Variants in USP49 observed in about 807,000 individuals in gnomAD.
The protein encoded by USP49 is ubiquitin specific peptidase 49, also known as ubiquitin carboxyl-terminal hydrolase 49.
USP49 carries 24 observed loss-of-function variants against 58.6 expected under a neutral mutation model. The observed-to-expected ratio is 0.41, with a 90% CI of 0.30 to 0.58. The LOEUF (loss-of-function observed/expected upper bound fraction) is 0.58. Ranked by LOEUF, USP49 falls within the 20% of genes least tolerant of loss-of-function variation. The pLI is 0.30. For synonymous variants in USP49, 408 were observed against 365.1 expected, an observed-to-expected ratio of 1.12 and a Z score of -1.34; for missense variants, 703 against 866.1, an observed-to-expected ratio of 0.81 and a Z score of 2.36.
At chr6:41,866,078 C>G (rs1433746815) in intron 3 of USP49, among the ~76,000 whole-genome samples, 1 of 151,666 alleles carries the variant, frequency 6.6e-6, no homozygotes, top group East Asian at 1.9e-4. Flanking sequence ...CCCACCACCA[C>G]GTCCCACCAA....
intron 3 of USP49, among the ~76,000 whole-genome samples, chr6:41,813,143 A>T (rs1311169504): frequency 1.3e-5 from 2 of 152,196 alleles, no homozygotes; most frequent in Non-Finnish European, 2.9e-5. Flanking sequence ...TATTATATTA[A>T]GACAGCATAG....
intron 2 of USP49, among the ~76,000 whole-genome samples, chr6:41,883,978 C>T (rs868052905): frequency 6.6e-6 from 1 of 152,106 alleles, no homozygotes; most frequent in African/African-American, 2.4e-5. Context: ...GAATACTATG[C>T]TGCAGCTCGA....
rs1772765574 is a variant in USP49 at position 41,789,947 on chromosome 6, A to C, written c.*6586T>G. On this transcript the variant is annotated 3_prime_UTR_variant, in exon 8 of 8. Transcript: ENST00000682992. ...TTTTGCTTACAAAAACAAGGTGTAAAAAGATTTACAAAAATCATAAAAACA... is the reference window on the plus strand; with the variant it reads ...TTTTGCTTACAAAAACAAGGTGTAACAAGATTTACAAAAATCATAAAAACA... 6.6e-6 allele frequency: 1 copy of C among 152,178 alleles called. No individual in the cohort carries two copies. The highest frequency in any genetic ancestry group is 6.5e-5 in the Admixed American group (1 of 15,286). 9.4% of individuals were successfully genotyped at this position (152,178 alleles called of 1,614,324 possible).
intron 2 of USP49, among the ~76,000 whole-genome samples, chr6:41,872,450 C>A (rs997499331): frequency 6.6e-6 from 1 of 152,212 alleles, no homozygotes; most frequent in Non-Finnish European, 1.5e-5. Context: ...AGTGCCTCTG[C>A]GCGACTGCTG....
Position 41,818,566 on chromosome 6 carries a change from A to G in USP49, c.-28-11555T>C, listed in dbSNP as rs1171600932. Among the ~76,000 whole-genome samples, 3 of 152,160 alleles carry G rather than the reference A, an allele frequency of 2.0e-5. No homozygotes were observed. The East Asian group carries it at 5.8e-4, about 29-fold the overall frequency. On this transcript the variant is annotated intron_variant, in intron 3 of 7. Transcript: ENST00000682992. ...CTGATGTTAAACAAGCATGACATGC[A>G]TTTTGAGCCACCCCAGGATCCTGTC... is the stretch of plus-strand genomic sequence containing the variant.
intron 7 of USP49, chr6:41,797,736 CAAG>C (rs1343760010): frequency 4.1e-6 from 4 of 985,704 alleles, no homozygotes; most frequent in Non-Finnish European, 4.8e-6. Flanking sequence ...TCTGCATAAC[CAAG>C]AAGGAAACTG....
chr6:41,807,093 A>T (rs1773153570), intron 3 of USP49, 82 bp from the exon 4 acceptor site: 4 of 1,224,928 alleles, frequency 3.3e-6, no homozygotes, highest in Non-Finnish European at 4.2e-6. Flanking sequence ...AAAAAAAAAA[A>T]GTAAAAGGCT....
chr6:41,832,977 T>C (rs1773660575), intron 3 of USP49: 2 of 152,178 alleles, frequency 1.3e-5, no homozygotes, highest in Admixed American at 1.3e-4. Context: ...AAACTTGGTA[T>C]TTCTATTGAC....
intron 3 of USP49, among the ~76,000 whole-genome samples, chr6:41,843,439 CCTCAATAAATGA>C (rs1773864194): frequency 6.6e-6 from 1 of 152,114 alleles, no homozygotes; most frequent in African/African-American, 2.4e-5. Context: ...GTCGAAACTT[CCTCAATAAATGA>C]AGAGATGTCT....
chr6:41,823,880 G>A (rs573579135), intron 3 of USP49, among the ~76,000 whole-genome samples: 6 of 151,740 alleles, frequency 4.0e-5, no homozygotes, highest in East Asian at 1.9e-4. Flanking sequence ...GTGTGTGTGC[G>A]GGGTGGACAG....
intron 2 of USP49, among the ~76,000 whole-genome samples, chr6:41,885,100 C>G (rs1774686178): frequency 6.6e-6 from 1 of 152,192 alleles, no homozygotes; most frequent in African/African-American, 2.4e-5. Flanking sequence ...GTAACGCCCT[C>G]CCTCTGCACC....
At chr6:41,889,312 T>A (rs1164385678) in intron 2 of USP49, among the ~76,000 whole-genome samples, 3 of 152,130 alleles carry the variant, frequency 2.0e-5, no homozygotes, top group Non-Finnish European at 4.4e-5. Flanking sequence ...GGATTACAGG[T>A]ATGAGCCACC....
intron 3 of USP49, among the ~76,000 whole-genome samples, chr6:41,818,569 T>C (rs1048720528): frequency 2.0e-5 from 3 of 152,190 alleles, no homozygotes; most frequent in Non-Finnish European, 4.4e-5. Context: ...GACATGCATT[T>C]TGAGCCACCC....
At chr6:41,892,249 A>C (rs1442052164) in intron 1 of USP49, among the ~76,000 whole-genome samples, 1 of 152,158 alleles carries the variant, frequency 6.6e-6, no homozygotes, top group Non-Finnish European at 1.5e-5. Flanking sequence ...AAATAAGTCT[A>C]TAATCACTTA....
At chr6:41,798,399 G>C in intron 7 of USP49, 1 of 370,218 alleles carries the variant, frequency 2.7e-6, no homozygotes, top group South Asian at 3.6e-5. Context: ...TCAGCCTCTT[G>C]AGTACCTGGG....
chr6:41,804,835 G>T (rs1419846016), intron 4 of USP49, among the ~76,000 whole-genome samples: 2 of 151,970 alleles, frequency 1.3e-5, no homozygotes, highest in Non-Finnish European at 2.9e-5. Flanking sequence ...CGCAACCTCC[G>T]CCTCCTGGGC....
intron 5 of USP49, among the ~76,000 whole-genome samples, chr6:41,801,916 A>G (rs1475226883): frequency 6.6e-6 from 1 of 152,236 alleles, no homozygotes; most frequent in Non-Finnish European, 1.5e-5. Context: ...CTTTCTTGTA[A>G]AGATAAACAA....
At position 41,845,179 on chromosome 6, in the gene USP49, G is replaced by A. The variant is rs149992795; in HGVS notation, c.-29+26385C>T. Reference sequence around the variant, plus strand: ...GCCTCCCAAAGTGCTGGGATAAGAGGTGTGAGCCACCGCGCACAGGCTTTC... The same window carrying A: ...GCCTCCCAAAGTGCTGGGATAAGAGATGTGAGCCACCGCGCACAGGCTTTC... On this transcript the variant is annotated intron_variant, in intron 3 of 7. Coordinates refer to ENST00000682992, the MANE Select transcript of USP49 (RefSeq NM_001286554.2). Among the ~76,000 whole-genome samples the A allele has an allele frequency of 1.7e-3, 264 of 152,232 alleles. 3 individuals are homozygous for A. The highest frequency in any genetic ancestry group is 5.4e-3 in the African/African-American group (223 of 41,554).
In USP49 at chr6:41,807,944, T is replaced by C. The variant is rs1025316896; in HGVS notation, c.-28-933A>G. The stretch of plus-strand genomic sequence containing the variant: ...GCGCGCACCACCACACCCGGCTAAT[T>C]TTTTTGTATTTTTAGTAGAGACGAG... On this transcript the variant is annotated intron_variant, in intron 3 of 7. Coordinates refer to ENST00000682992, the MANE Select transcript of USP49 (RefSeq NM_001286554.2). Among the ~76,000 whole-genome samples the C allele has an allele frequency of 4.6e-5, 7 of 150,716 alleles. No individual in the cohort carries two copies. The East Asian group carries it at 9.8e-4, about 21-fold the overall frequency.
Sources: allele counts gnomAD v4.1 joint callset (sites outside exome capture counted in the v4.1 genomes callset), GRCh38; gene constraint gnomAD v4.1.1; transcripts MANE v1.5; gene names NCBI Gene and HGNC (gene_info 2026-07-23, HGNC 2026-07-21).